PCBP3: variants seen among roughly 807,000 people sequenced by gnomAD.
The protein encoded by PCBP3 is poly(rC)-binding protein 3.
A neutral mutation model predicts 52.7 loss-of-function variants in PCBP3; 25 were observed. The observed-to-expected ratio is 0.47, with a 90% CI of 0.35 to 0.66. The LOEUF (loss-of-function observed/expected upper bound fraction) is 0.66. PCBP3 is among the 30% of genes least tolerant of loss of function. PCBP3 has a pLI of 0.01. For missense variants in PCBP3, 391 were observed against 490.3 expected (o/e 0.80, Z 1.91); for synonymous variants, 162 against 183.0 (o/e 0.89, Z 0.93).
At chr21:45,823,113 C>T (rs528666176) in intron 4 of PCBP3, among the ~76,000 whole-genome samples, 88 of 152,334 alleles carry the variant, frequency 5.8e-4, no homozygotes, top group Non-Finnish European at 1.0e-3. Flanking sequence ...CAAGGACTCA[C>T]ATTGACGTAG....
At chr21:45,769,248 A>G (rs1165778301) in intron 4 of PCBP3, among the ~76,000 whole-genome samples, 1 of 152,204 alleles carries the variant, frequency 6.6e-6, no homozygotes, top group Non-Finnish European at 1.5e-5. Context: ...GTGCTCTCCC[A>G]TGGTTATTCT....
chr21:45,650,940 C>T (rs908794781), intron 1 of PCBP3, among the ~76,000 whole-genome samples: 13 of 152,178 alleles, frequency 8.5e-5, no homozygotes, highest in African/African-American at 2.7e-4. Flanking sequence ...GAATCTTCCT[C>T]ATCCTGGAAG....
intron 9 of PCBP3, among the ~76,000 whole-genome samples, chr21:45,907,861 G>A (rs2096247441): frequency 6.6e-6 from 1 of 151,524 alleles, no homozygotes; most frequent in Admixed American, 6.6e-5. Context: ...ACGGGGCGGG[G>A]GGAGTGCTGG....
intron 13 of PCBP3, among the ~76,000 whole-genome samples, chr21:45,924,148 CACGAGGAGAT>C: frequency 5.7e-5 from 6 of 105,660 alleles, no homozygotes; most frequent in African/African-American, 1.3e-4. Flanking sequence ...GTCGGGTGTG[CACGAGGAGAT>C]GTGAACACTG....
At chr21:45,810,218 C>CTGTGTGTGTGTGTGTGTGTGTG (rs149677854) in intron 4 of PCBP3, among the ~76,000 whole-genome samples, 11 of 148,066 alleles carry the variant, frequency 7.4e-5, no homozygotes, top group African/African-American at 2.8e-4. Context: ...TGATTCGATT[C>CTGTGTGTGTGTGTGTGTGTGTG]TGTGTGTGTG....
chr21:45,885,914 G>T (rs1186959897), intron 5 of PCBP3, among the ~76,000 whole-genome samples: 1 of 152,194 alleles, frequency 6.6e-6, no homozygotes, highest in African/African-American at 2.4e-5. Context: ...TGGGTTCTTT[G>T]TATAACAGGT....
intron 16 of PCBP3, among the ~76,000 whole-genome samples, chr21:45,938,934 G>T (rs894310722): frequency 6.6e-6 from 1 of 152,220 alleles, no homozygotes; most frequent in East Asian, 1.9e-4. Context: ...GCCCCTTCAC[G>T]CTTGCAAGTG....
At chr21:45,725,999 T>C (rs2085008069) in intron 2 of PCBP3, among the ~76,000 whole-genome samples, 1 of 152,068 alleles carries the variant, frequency 6.6e-6, no homozygotes. Context: ...CTGCAGAGGC[T>C]CGCCCTGGCT....
In PCBP3 at chr21:45,800,957, C is replaced by T. The variant is rs1174291572; in HGVS notation, c.-126+45505C>T. On this transcript the variant is annotated intron_variant, in intron 4 of 17. Transcript: ENST00000681687. This position sits in a 1 kb window ranked among gnomAD's most constrained non-coding sequence, Gnocchi z 5.3. ...CCTGAGCATGGGGTTCCCGCCTCCTCCAGGACTTGTTGCCCGTTCTGCGTG... is the reference window on the plus strand; with the variant it reads ...CCTGAGCATGGGGTTCCCGCCTCCTTCAGGACTTGTTGCCCGTTCTGCGTG... 6.6e-6 allele frequency among the ~76,000 whole-genome samples: 1 copy of T among 152,200 alleles called. No homozygotes were observed. The highest frequency in any genetic ancestry group is 6.5e-5 in the Admixed American group (1 of 15,290).
chr21:45,718,309 A>G (rs1246011096), intron 2 of PCBP3, among the ~76,000 whole-genome samples: 1 of 150,374 alleles, frequency 6.7e-6, no homozygotes, highest in Non-Finnish European at 1.5e-5. Flanking sequence ...TTTCTATTTA[A>G]TTTCTATTTC....
intron 1 of PCBP3, among the ~76,000 whole-genome samples, chr21:45,651,922 T>C (rs1351415604): frequency 6.6e-6 from 1 of 152,228 alleles, no homozygotes; most frequent in Non-Finnish European, 1.5e-5. Context: ...TCCTGTTTTC[T>C]TAACCCTGTT....
Position 45,901,031 on chromosome 21 carries a change from G to T in PCBP3, c.257G>T (p.Cys86Phe), listed in dbSNP as rs377080555. The T allele has an allele frequency of 7.4e-6, 12 of 1,613,928 alleles. No individual in the cohort carries two copies. Among genetic ancestry groups the T allele is most frequent in the Admixed American group, 5.0e-5 (3 of 60,020 alleles). Reference protein sequence around the residue: ...GARINISEGNCPERIVTITGP... With the variant: ...GARINISEGNFPERIVTITGP... ...AGGATCAACATCTCAGAGGGAAACT[G>T]CCCAGAGAGGATTGTGACCATCACA... The change falls in exon 9 of 18, where the codon TGC becomes TTC. Residue 86 changes from cysteine to phenylalanine, a missense_variant. Transcript: ENST00000681687.
chr21:45,739,061 T>C (rs1603356024), intron 3 of PCBP3, among the ~76,000 whole-genome samples: 1 of 86,158 alleles, frequency 1.2e-5, no homozygotes, highest in Non-Finnish European at 2.2e-5. Context: ...TCCACGGTCC[T>C]CTGGGTAGCC....
chr21:45,646,650 C>T (rs1410760185), intron 1 of PCBP3, among the ~76,000 whole-genome samples: 1 of 152,220 alleles, frequency 6.6e-6, no homozygotes, highest in Non-Finnish European at 1.5e-5. Flanking sequence ...AGGGCAGAGC[C>T]CTCTTGATCC....
chr21:45,934,414 C>T (rs1188910931), intron 15 of PCBP3, among the ~76,000 whole-genome samples: 2 of 152,154 alleles, frequency 1.3e-5, no homozygotes, highest in African/African-American at 2.4e-5. Context: ...TGGACTTGAA[C>T]TCTGAGAGGT....
At chr21:45,732,348 A>G (rs928072366) in intron 2 of PCBP3, among the ~76,000 whole-genome samples, 1 of 152,104 alleles carries the variant, frequency 6.6e-6, no homozygotes, top group African/African-American at 2.4e-5. Context: ...AATACAGATA[A>G]TAAAAAGGTT....
intron 2 of PCBP3, among the ~76,000 whole-genome samples, chr21:45,687,097 AC>A (rs2082198658): frequency 6.6e-6 from 1 of 152,180 alleles, no homozygotes; most frequent in African/African-American, 2.4e-5. Flanking sequence ...TAGGAGGAGA[AC>A]CTTAAGCACA....
intron 5 of PCBP3, chr21:45,873,250 G>T (rs1334515508): frequency 1.3e-5 from 2 of 152,192 alleles, no homozygotes; most frequent in African/African-American, 4.8e-5. Flanking sequence ...CCTCTGGGAT[G>T]TGCCTTTTCA....
chr21:45,848,613 G>A (rs565568835), intron 4 of PCBP3, among the ~76,000 whole-genome samples: 11 of 152,140 alleles, frequency 7.2e-5, no homozygotes, highest in Non-Finnish European at 1.3e-4. Flanking sequence ...TAGGCTAATT[G>A]TGTCATTCTC....
Sources: gnomAD v4.1 joint callset for allele counts (sites outside exome capture counted in the v4.1 genomes callset) on GRCh38, gnomAD v4.1.1 for gene constraint, Gnocchi (gnomAD v3.1) non-coding constraint, MANE v1.5 for transcripts, NCBI Gene and HGNC (gene_info 2026-07-23, HGNC 2026-07-21) for gene names.